PANX1: variants seen among roughly 807,000 people sequenced by gnomAD.
The protein encoded by PANX1 is pannexin-1.
PANX1 carries 30 observed loss-of-function variants against 38.7 expected under a neutral mutation model. The ratio of observed to expected loss-of-function variants is 0.78; its 90% CI spans 0.58 to 1.05. The LOEUF (loss-of-function observed/expected upper bound fraction) is 1.05, where lower values mean the gene tolerates loss of function less well. Ranked by LOEUF, PANX1 falls within the 50% of genes least tolerant of loss-of-function variation. PANX1 has a pLI of 0.00. For synonymous variants in PANX1, 230 were observed against 212.2 expected, an observed-to-expected ratio of 1.08 and a Z score of -0.73; for missense variants, 551 against 517.2, an observed-to-expected ratio of 1.07 and a Z score of -0.63.
chr11:94,174,516 T>G (rs1361877142), intron 2 of PANX1, among the ~76,000 whole-genome samples: 2 of 151,666 alleles, frequency 1.3e-5, no homozygotes, highest in Non-Finnish European at 2.9e-5. Flanking sequence ...TTATGAAGCT[T>G]CCCTGACCAC....
At chr11:94,137,542 G>A (rs4753543) in intron 1 of PANX1, among the ~76,000 whole-genome samples, 1 of 151,468 alleles carries the variant, frequency 6.6e-6, no homozygotes, top group African/African-American at 2.4e-5. Flanking sequence ...AACTCTGGGC[G>A]AGGCAGGCCC....
At chr11:94,136,908 C>T (rs1946699623) in intron 1 of PANX1, among the ~76,000 whole-genome samples, 1 of 152,140 alleles carries the variant, frequency 6.6e-6, no homozygotes, top group Non-Finnish European at 1.5e-5. Context: ...AACCTAGTGG[C>T]TTCTGCTTGG....
At chr11:94,172,271 A>G (rs1332858863) in intron 2 of PANX1, among the ~76,000 whole-genome samples, 1 of 151,514 alleles carries the variant, frequency 6.6e-6, no homozygotes, top group Non-Finnish European at 1.5e-5. Context: ...ATGTGAGCCC[A>G]TCTTGCCGTA....
At chr11:94,178,346 T>C in intron 2 of PANX1, 23 bp from the exon 3 acceptor site, 1 of 1,582,628 alleles carries the variant, frequency 6.3e-7, no homozygotes, top group Non-Finnish European at 8.7e-7. Flanking sequence ...GTTAAGCCCA[T>C]GATTTGTTCT....
rs754842943 is a variant in PANX1, at chr11:94,180,071, A to G, written c.1015A>G (p.Ile339Val). Residue 339 changes from isoleucine (I) to valine (V), a missense_variant, in exon 4 of 5, where the codon ATA becomes GTA. By Grantham distance (29) the Ile-to-Val change is conservative. Coordinates refer to ENST00000227638, the MANE Select transcript of PANX1 (RefSeq NM_015368.4). ...SLYNLFLEEN[I>V]SEVKSYKCLK... ...CTACAATCTCTTCTTGGAGGAAAATATAAGTGAGGTCAAGTCATACAAGTG... is the reference window on the plus strand; with the variant it reads ...CTACAATCTCTTCTTGGAGGAAAATGTAAGTGAGGTCAAGTCATACAAGTG... 15 of 1,613,444 alleles carry G rather than the reference A, an allele frequency of 9.3e-6. No homozygotes were observed. The highest frequency in any genetic ancestry group is 1.3e-5 in the Non-Finnish European group (15 of 1,179,680).
At chr11:94,169,388 C>G (rs766752838) in intron 2 of PANX1, among the ~76,000 whole-genome samples, 1 of 151,472 alleles carries the variant, frequency 6.6e-6, no homozygotes, top group African/African-American at 2.4e-5. Context: ...GCCAAGAGTG[C>G]GAGTAAGGTG....
At chr11:94,138,762 C>T (rs990044771) in intron 1 of PANX1, among the ~76,000 whole-genome samples, 1 of 152,034 alleles carries the variant, frequency 6.6e-6, no homozygotes, top group African/African-American at 2.4e-5. Flanking sequence ...ATTTTTATGC[C>T]CATTAACCAT....
chr11:94,134,487 A>G (rs1946664323), intron 1 of PANX1, among the ~76,000 whole-genome samples: 1 of 152,206 alleles, frequency 6.6e-6, no homozygotes, highest in Non-Finnish European at 1.5e-5. Context: ...TGTGTCTCCC[A>G]ACCGCAAAAT....
intron 1 of PANX1, 66 bp downstream of exon 1, chr11:94,129,559 G>A (rs766248075): frequency 7.1e-7 from 1 of 1,414,434 alleles, no homozygotes; most frequent in Non-Finnish European, 9.7e-7. Flanking sequence ...GCGATTTTAC[G>A]GCTCACAGGC....
At chr11:94,133,268 GGGACAGAGA>G (rs1565371190) in intron 1 of PANX1, among the ~76,000 whole-genome samples, 1 of 152,182 alleles carries the variant, frequency 6.6e-6, no homozygotes, top group East Asian at 1.9e-4. Flanking sequence ...GACTGTGTTG[GGGACAGAGA>G]GCAGAAGGGA....
chr11:94,166,066 C>T (rs537386179), intron 2 of PANX1, among the ~76,000 whole-genome samples: 42 of 152,064 alleles, frequency 2.8e-4, no homozygotes, highest in Non-Finnish European at 5.3e-4. Context: ...CTTCATCCCC[C>T]CCTCGCTTTC....
rs73555264 is a variant in PANX1, at chr11:94,142,572, C to A, written c.182-10919C>A. ...CAAGCCTAGGTTCCCTTCTCTCCTCCTTTGAGTACGAACATTTGTCATGGT... is the reference window on the plus strand; with the variant it reads ...CAAGCCTAGGTTCCCTTCTCTCCTCATTTGAGTACGAACATTTGTCATGGT... On this transcript the variant is annotated intron_variant, in intron 1 of 4. Transcript: ENST00000227638. 4.0e-3 allele frequency among the ~76,000 whole-genome samples: 602 copies of A among 152,314 alleles called. 4 individuals carry two copies. The highest frequency in any genetic ancestry group is 0.014 in the African/African-American group (574 of 41,570).
rs1037495511 is a variant in PANX1 at position 94,180,048 on chromosome 11, A to G, written c.992A>G (p.Tyr331Cys). Residue 331 changes from tyrosine to cysteine, a missense_variant, in exon 4 of 5, where the codon TAC (tyrosine) becomes TGC (cysteine). By Grantham distance (194) the Tyr-to-Cys change is radical. Transcript: ENST00000227638. ...KSEGYNDLSL[Y>C]NLFLEENISE... ...GAAGGGTACAACGATTTGAGCCTCT[A>G]CAATCTCTTCTTGGAGGAAAATATA... 2.5e-5 allele frequency: 40 copies of G among 1,610,542 alleles called. No homozygotes were observed. Among genetic ancestry groups the G allele is most frequent in the Non-Finnish European group, 3.2e-5 (38 of 1,177,588 alleles).
At chr11:94,159,622 T>G (rs1175762066) in intron 2 of PANX1, among the ~76,000 whole-genome samples, 1 of 152,166 alleles carries the variant, frequency 6.6e-6, no homozygotes, top group Non-Finnish European at 1.5e-5. Flanking sequence ...TTCTCTCTTT[T>G]CTTTATTAGT....
intron 2 of PANX1, 85 bp from the exon 3 acceptor site, chr11:94,178,284 G>A (rs1223432509): frequency 1.7e-5 from 17 of 1,004,576 alleles, no homozygotes; most frequent in East Asian, 2.4e-5. Context: ...GTCTCAAGAT[G>A]TGAGAAAATG....
At chr11:94,136,225 A>C (rs77086430) in intron 1 of PANX1, among the ~76,000 whole-genome samples, 7,775 of 152,056 alleles carry the variant, frequency 0.051, 676 homozygotes, top group African/African-American at 0.18. Context: ...CCTGTACACT[A>C]TCCAGCTCTG....
chr11:94,163,330 T>C (rs991191276), intron 2 of PANX1, among the ~76,000 whole-genome samples: 10 of 152,222 alleles, frequency 6.6e-5, no homozygotes, highest in African/African-American at 2.2e-4. Flanking sequence ...TTTCAGTTTT[T>C]CCCCATTCTT....
At chr11:94,147,214 C>T (rs1946837292) in intron 1 of PANX1, among the ~76,000 whole-genome samples, 1 of 152,128 alleles carries the variant, frequency 6.6e-6, no homozygotes, top group African/African-American at 2.4e-5. Flanking sequence ...TTGCTTTAAA[C>T]TCTTAGGTGT....
chr11:94,154,130 G>C (rs373385898), intron 2 of PANX1, among the ~76,000 whole-genome samples: 32 of 152,250 alleles, frequency 2.1e-4, no homozygotes, highest in African/African-American at 7.5e-4. Context: ...AGGCCCTCTG[G>C]GGGTGTTGGC....
Sources: gnomAD v4.1 joint callset for allele counts (sites outside exome capture counted in the v4.1 genomes callset) on GRCh38, gnomAD v4.1.1 for gene constraint, MANE v1.5 for transcripts, NCBI Gene and HGNC (gene_info 2026-07-23, HGNC 2026-07-21) for gene names.